The following NID1 variants were observed in gnomAD, a reference collection of about 807,000 sequenced individuals.
NID1 encodes nidogen 1, also known as nidogen-1.
Under a neutral mutation model 130.6 loss-of-function variants are expected in NID1, and 76 were observed. That is an observed-to-expected ratio of 0.58 (90% CI 0.48 to 0.70). The LOEUF is 0.70. Among genes scored for constraint, NID1 ranks in the 30% least tolerant of loss-of-function variants. The pLI, the probability that NID1 is intolerant of heterozygous loss-of-function variation, is 0.00. For missense variants in NID1, 1,517 were observed against 1,664.8 expected, an observed-to-expected ratio of 0.91 and a Z score of 1.54; for synonymous variants, 665 against 675.1, an observed-to-expected ratio of 0.98 and a Z score of 0.23.
intron 2 of NID1, among the ~76,000 whole-genome samples, chr1:236,047,881 G>A (rs1331121982): frequency 1.3e-5 from 2 of 151,460 alleles, no homozygotes; most frequent in South Asian, 2.1e-4. Flanking sequence ...ACAAAAATTA[G>A]CCAGTGTGGT....
chr1:235,990,807 C>T (rs1410090430), intron 14 of NID1, 79 bp downstream of exon 14: 10 of 1,524,364 alleles, frequency 6.6e-6, no homozygotes, highest in Non-Finnish European at 8.1e-6. Context: ...GCCTGGGGTT[C>T]TGGTCTGATA....
chr1:235,993,822 C>A lies in NID1; in HGVS notation c.2578G>T (p.Ala860Ser), dbSNP rs1657837322. The A allele has an allele frequency of 1.2e-6, 2 of 1,614,140 alleles. No individual in the cohort carries two copies. Among genetic ancestry groups the A allele is most frequent in the Non-Finnish European group, 1.7e-6 (2 of 1,179,984 alleles). Residue 860 changes from alanine (A) to serine (S), a missense_variant, in exon 13 of 20, where the codon GCG (alanine) becomes TCG (serine). Coordinates refer to ENST00000264187, the MANE Select transcript of NID1 (RefSeq NM_002508.3). ...GGTCGCTGTGGGTCTGTCGCCCCCGCTGCCCCGAGAATGTGTTCTCGCTCG... is the reference window on the plus strand; with the variant it reads ...GGTCGCTGTGGGTCTGTCGCCCCCGATGCCCCGAGAATGTGTTCTCGCTCG... ...QHEREHILGA[A>S]GATDPQRPIP... is the part of the protein sequence containing the mutation.
chr1:236,010,244 G>A (rs1658369384), intron 12 of NID1, among the ~76,000 whole-genome samples: 1 of 151,064 alleles, frequency 6.6e-6, no homozygotes, highest in Admixed American at 6.6e-5. Flanking sequence ...TAGGTTTATC[G>A]AAGCCAGGAG....
chr1:236,014,895 C>G (rs915407993), intron 10 of NID1, among the ~76,000 whole-genome samples: 1 of 152,218 alleles, frequency 6.6e-6, no homozygotes, highest in African/African-American at 2.4e-5. Context: ...CTTTCCTTCA[C>G]AAAAACATGT....
At chr1:236,039,176 TTA>T (rs1043710787) in intron 4 of NID1, among the ~76,000 whole-genome samples, 12 of 145,762 alleles carry the variant, frequency 8.2e-5, no homozygotes, top group Non-Finnish European at 1.2e-4. Context: ...TAAAATATAT[TTA>T]TATGTTATAT....
chr1:236,031,660 A>G (rs1659105992), intron 6 of NID1, among the ~76,000 whole-genome samples: 1 of 152,148 alleles, frequency 6.6e-6, no homozygotes, highest in African/African-American at 2.4e-5. Flanking sequence ...AACAAACTCC[A>G]GGTCCTGGAA....
Position 236,017,198 on chromosome 1 carries a change from C to A in NID1, c.2204G>T (p.Arg735Leu), listed in dbSNP as rs140374909. 3.1e-6 allele frequency: 5 copies of A among 1,614,012 alleles called. No homozygotes were observed. Among genetic ancestry groups the A allele is most frequent in the East Asian group, 4.5e-5 (2 of 44,890 alleles). The change falls in exon 10 of 20, where the codon CGC becomes CTC. Residue 735 changes from arginine to leucine, a missense_variant. Arg to Leu is a moderately radical substitution (Grantham distance 102). This residue lies in a region of NID1 where 1,329 missense variants were observed against 1,429.2 expected (regional missense o/e 0.93). Coordinates refer to ENST00000264187, the MANE Select transcript of NID1 (RefSeq NM_002508.3). ...TICNNHPGTF[R>L]CECVEGYQFS... Reference sequence around the variant, plus strand: ...CTGGTAGCCCTCCACACACTCGCAGCGGAAGGTTCCTGGGTGATTATTGCA... The same window carrying A: ...CTGGTAGCCCTCCACACACTCGCAGAGGAAGGTTCCTGGGTGATTATTGCA...
chr1:236,005,150 G>A (rs1223443511), intron 12 of NID1, among the ~76,000 whole-genome samples: 2 of 152,010 alleles, frequency 1.3e-5, no homozygotes, highest in Non-Finnish European at 2.9e-5. Context: ...TCCAGCCTGG[G>A]TAACACCATC....
chr1:236,047,142 T>C (rs1168407557), intron 2 of NID1, among the ~76,000 whole-genome samples: 2 of 151,852 alleles, frequency 1.3e-5, no homozygotes, highest in African/African-American at 4.8e-5. Flanking sequence ...ACAAAAAAAG[T>C]AGTATTAGGC....
At chr1:236,001,786 AGCTTGCACTC>A (rs1287415321) in intron 12 of NID1, among the ~76,000 whole-genome samples, 1 of 152,184 alleles carries the variant, frequency 6.6e-6, no homozygotes, top group African/African-American at 2.4e-5. Flanking sequence ...CATGGAAGAG[AGCTTGCACTC>A]CTCCTCTGTG....
At chr1:236,047,264 A>G (rs974638411) in intron 2 of NID1, among the ~76,000 whole-genome samples, 4 of 152,230 alleles carry the variant, frequency 2.6e-5, no homozygotes, top group South Asian at 2.1e-4. Flanking sequence ...CTCAAGGTGT[A>G]TCTTGTAGGA....
chr1:235,989,805 G>A (rs1657677847), intron 14 of NID1, among the ~76,000 whole-genome samples: 2 of 152,380 alleles, frequency 1.3e-5, no homozygotes, highest in Non-Finnish European at 2.9e-5. Context: ...GCAATTGTCA[G>A]GCAGGGGGAA....
intron 13 of NID1, among the ~76,000 whole-genome samples, chr1:235,992,821 T>C (rs1241826625): frequency 6.6e-6 from 1 of 152,244 alleles, no homozygotes; most frequent in African/African-American, 2.4e-5. Context: ...TATCAATCAA[T>C]GATTATTAGC....
intron 6 of NID1, among the ~76,000 whole-genome samples, chr1:236,031,741 G>C (rs1291659393): frequency 6.6e-6 from 1 of 152,214 alleles, no homozygotes; most frequent in African/African-American, 2.4e-5. Context: ...AGCATGCAAA[G>C]GTTGGGCTGG....
intron 14 of NID1, among the ~76,000 whole-genome samples, chr1:235,988,039 A>G (rs1657621890): frequency 6.6e-6 from 1 of 152,232 alleles, no homozygotes; most frequent in African/African-American, 2.4e-5. Context: ...AAAAAAAGGT[A>G]AATTGGACTA....
intron 14 of NID1, among the ~76,000 whole-genome samples, chr1:235,985,815 T>C (rs1657559093): frequency 6.6e-6 from 1 of 151,956 alleles, no homozygotes. Context: ...GGCTGGAGTG[T>C]AGTGGCGTGA....
At chr1:235,994,102 A>C (rs547420457) in intron 12 of NID1, among the ~76,000 whole-genome samples, 15 of 152,216 alleles carry the variant, frequency 9.9e-5, no homozygotes, top group Non-Finnish European at 2.1e-4. Flanking sequence ...GTTCCTTTTA[A>C]AACACTTTTA....
Position 236,051,014 on chromosome 1 carries a change from C to A in NID1, c.226-2025G>T, listed in dbSNP as rs974116783. 1.3e-4 allele frequency among the ~76,000 whole-genome samples: 20 copies of A among 151,928 alleles called. No individual in the cohort carries two copies. In the South Asian group the frequency reaches 1.5e-3, roughly 11 times the overall value. ...AGGAGAATTGCTTGAGCCCAAGAGGCAGAGGCTGCAGTGAGCCGAGATTGC... is the reference window on the plus strand; with the variant it reads ...AGGAGAATTGCTTGAGCCCAAGAGGAAGAGGCTGCAGTGAGCCGAGATTGC... On this transcript the variant is annotated intron_variant, in intron 1 of 19. Transcript: ENST00000264187.
At chr1:236,011,091 C>G (rs532933812) in intron 12 of NID1, among the ~76,000 whole-genome samples, 32 of 152,146 alleles carry the variant, frequency 2.1e-4, no homozygotes, top group Admixed American at 1.5e-3. Context: ...AATGAGCTCA[C>G]AGGTCCTCAA....
Sources: gnomAD v4.1 joint callset for allele counts (sites outside exome capture counted in the v4.1 genomes callset) on GRCh38, gnomAD v4.1.1 for gene constraint, gnomAD v4.1.1 regional missense constraint, MANE v1.5 for transcripts, NCBI Gene and HGNC (gene_info 2026-07-23, HGNC 2026-07-21) for gene names.